Variants in CIB3 observed in about 807,000 individuals in gnomAD.
CIB3 encodes calcium and integrin-binding family member 3.
In CIB3, 22 loss-of-function variants were observed where a neutral mutation model predicts 23.4. The ratio of observed to expected loss-of-function variants is 0.94; its 90% CI spans 0.67 to 1.34. The LOEUF is 1.34. Among genes scored for constraint, CIB3 ranks in the 40% most tolerant of loss-of-function variants. CIB3 has a pLI of 0.00. For missense variants in CIB3, 258 were observed against 247.3 expected, an observed-to-expected ratio of 1.04 and a Z score of -0.29; for synonymous variants, 93 against 95.8, an observed-to-expected ratio of 0.97 and a Z score of 0.17.
chr19:16,168,005 A>G, intron 4 of CIB3, 132 bp downstream of exon 4: 1 of 1,130,744 alleles, frequency 8.8e-7, no homozygotes, highest in Non-Finnish European at 1.2e-6. Flanking sequence ...GAGGCATTGG[A>G]GTGGGGTGGA....
At chr19:16,168,084 T>TAC in intron 4 of CIB3, 53 bp downstream of exon 4, 5 of 1,540,686 alleles carry the variant, frequency 3.2e-6, no homozygotes, top group Non-Finnish European at 4.4e-6. Flanking sequence ...CCCACCCAGT[T>TAC]CCCACTCCCC....
chr19:16,164,978 A>AG, intron 4 of CIB3, 65 bp from the exon 5 acceptor site: 48 of 1,384,052 alleles, frequency 3.5e-5, no homozygotes, highest in Non-Finnish European at 4.6e-5. Context: ...CTGTGGGCAC[A>AG]TACTGTGCCC....
intron 5 of CIB3, among the ~76,000 whole-genome samples, chr19:16,162,610 C>T (rs1331778133): frequency 2.6e-5 from 4 of 151,466 alleles, no homozygotes; most frequent in African/African-American, 9.7e-5. Context: ...AAAAATTAAC[C>T]GGGCGTGGTG....
intron 5 of CIB3, 101 bp downstream of exon 5, chr19:16,164,617 G>A: frequency 8.9e-7 from 1 of 1,128,098 alleles, no homozygotes; most frequent in Admixed American, 2.2e-5. Context: ...GGTCATGAAA[G>A]AATGAATAGA....
At chr19:16,172,888 C>A (rs1481199180) in intron 2 of CIB3, among the ~76,000 whole-genome samples, 1 of 150,990 alleles carries the variant, frequency 6.6e-6, no homozygotes, top group East Asian at 2.0e-4. Context: ...GGAGATCGAG[C>A]CTGCAATGAG....
At chr19:16,169,294 C>G (rs1270185187) in intron 3 of CIB3, among the ~76,000 whole-genome samples, 2 of 151,414 alleles carry the variant, frequency 1.3e-5, no homozygotes, top group African/African-American at 4.8e-5. Context: ...CAGGTGTGCA[C>G]TACCACGCCC....
In CIB3 at chr19:16,173,409, TC is replaced by T. The variant is rs779571451; in HGVS notation, c.51+15del. 5 of 1,612,348 alleles carry T rather than the reference TC, an allele frequency of 3.1e-6. No individual in the cohort carries two copies. The East Asian group carries it at 1.1e-4, about 36-fold the overall frequency. On this transcript the variant is annotated intron_variant, in intron 1 of 5. Transcript: ENST00000269878. ...AGTTGTCAAACCCACTGAGGACCCA[TC>T]CTGCCCCCCTCTACCTGATACGCTT...
rs367571480 is a variant in CIB3, at chr19:16,164,061, C to G, written c.542+657G>C. On this transcript the variant is annotated intron_variant, in intron 5 of 5. Transcript: ENST00000269878. ...TCTGAGCTCACTGCGGCCTTGACCT[C>G]CTGGGCTCAAGCAATCCTCCCGCCT... 1.3e-4 allele frequency among the ~76,000 whole-genome samples: 20 copies of G among 152,274 alleles called. No homozygotes were observed. In the East Asian group the frequency reaches 3.9e-3, roughly 29 times the overall value.
In CIB3 at chr19:16,161,387, T is replaced by C; in HGVS notation, c.*78A>G. ...AGCAGGTGTGACTCAGTGACTTGTGTTTATTCTCAGAAACCAGAGTCCACA... is the reference window on the plus strand; with the variant it reads ...AGCAGGTGTGACTCAGTGACTTGTGCTTATTCTCAGAAACCAGAGTCCACA... On this transcript the variant is annotated 3_prime_UTR_variant, in exon 6 of 6. Transcript: ENST00000269878. 1 of 1,456,374 alleles carries C rather than the reference T, an allele frequency of 6.9e-7. No individual in the cohort carries two copies. The highest frequency in any genetic ancestry group is 9.6e-7 in the Non-Finnish European group (1 of 1,036,432). The allele number at this position is 1,456,374 out of a possible 1,614,324, so 90.2% of individuals were successfully genotyped here. A position where few individuals can be genotyped will look rare whatever the true frequency, so the allele number is the denominator to read the frequency against.
intron 4 of CIB3, 44 bp downstream of exon 4, chr19:16,168,093 C>A: frequency 1.3e-6 from 2 of 1,563,370 alleles, no homozygotes; most frequent in Non-Finnish European, 1.7e-6. Flanking sequence ...TTCCCACTCC[C>A]CACCCCATCC....
intron 5 of CIB3, among the ~76,000 whole-genome samples, chr19:16,164,122 C>T (rs1397289778): frequency 6.6e-6 from 1 of 152,086 alleles, no homozygotes; most frequent in Non-Finnish European, 1.5e-5. Context: ...AGGCATGCAC[C>T]ACCATACCTG....
chr19:16,173,304 CA>C, intron 1 of CIB3, 108 bp from the exon 2 acceptor site: 1 of 1,578,630 alleles, frequency 6.3e-7, no homozygotes, highest in Non-Finnish European at 8.7e-7. Context: ...CTGCCACACA[CA>C]GAGCAGAACC....
intron 5 of CIB3, among the ~76,000 whole-genome samples, chr19:16,161,966 T>G (rs1455358010): frequency 6.6e-6 from 1 of 152,050 alleles, no homozygotes. Flanking sequence ...ATTACAGGCA[T>G]GAATCACCAC....
chr19:16,168,756 G>A (rs868818299), intron 3 of CIB3, among the ~76,000 whole-genome samples: 25 of 152,190 alleles, frequency 1.6e-4, no homozygotes, highest in African/African-American at 2.2e-4. Flanking sequence ...GGGAGGAGCC[G>A]AGATATGGGG....
intron 2 of CIB3, among the ~76,000 whole-genome samples, chr19:16,170,024 C>G (rs148641207): frequency 2.3e-3 from 352 of 152,292 alleles, no homozygotes; most frequent in Non-Finnish European, 4.0e-3. Context: ...GTCTCAAACT[C>G]CTGACCTCAG....
At chr19:16,168,668 A>G (rs973104352) in intron 3 of CIB3, among the ~76,000 whole-genome samples, 1 of 152,204 alleles carries the variant, frequency 6.6e-6, no homozygotes, top group South Asian at 2.1e-4. Context: ...CAAAGCTCAC[A>G]GAAGCTAAAG....
intron 3 of CIB3, 45 bp from the exon 4 acceptor site, chr19:16,168,329 G>C: frequency 6.2e-7 from 1 of 1,605,710 alleles, no homozygotes; most frequent in Non-Finnish European, 8.5e-7. Context: ...TGACCCCCAA[G>C]GTCTCTGGGG....
chr19:16,164,131 T>C (rs778584164), intron 5 of CIB3, among the ~76,000 whole-genome samples: 36 of 152,024 alleles, frequency 2.4e-4, no homozygotes, highest in Non-Finnish European at 2.5e-4. Context: ...CCACCATACC[T>C]GGCTATTTAT....
At chr19:16,165,731 C>G (rs552219503) in intron 4 of CIB3, among the ~76,000 whole-genome samples, 3 of 152,318 alleles carry the variant, frequency 2.0e-5, no homozygotes, top group Non-Finnish European at 4.4e-5. Context: ...GTGGAAGCCA[C>G]CACACCCAAC....
Sources: allele counts gnomAD v4.1 joint callset (sites outside exome capture counted in the v4.1 genomes callset), GRCh38; gene constraint gnomAD v4.1.1; transcripts MANE v1.5; gene names NCBI Gene and HGNC (gene_info 2026-07-23, HGNC 2026-07-21).